The following HIVEP3 variants were observed in gnomAD, a reference collection of about 807,000 sequenced individuals.
HIVEP3 encodes HIVEP zinc finger 3.
A neutral mutation model predicts 152.8 loss-of-function variants in HIVEP3; 49 were observed. That is an observed-to-expected ratio of 0.32 (90% CI 0.26 to 0.41). The LOEUF is 0.41. HIVEP3 is among the 10% of genes least tolerant of loss of function. The probability of loss-of-function intolerance (pLI) is 1.00; values close to 1 mark genes in which losing one functional copy is unlikely to be tolerated. For missense variants in HIVEP3, 2,790 were observed against 3,103.3 expected (o/e 0.90, Z 2.40); for synonymous variants, 1,269 against 1,289.0 (o/e 0.98, Z 0.33).
intron 3 of HIVEP3, among the ~76,000 whole-genome samples, chr1:41,598,388 A>C (rs1644697683): frequency 6.6e-6 from 1 of 152,242 alleles, no homozygotes; most frequent in Non-Finnish European, 1.5e-5. Flanking sequence ...ATGGAGAGCA[A>C]TACATAGAAT....
Position 41,582,633 on chromosome 1 carries a change from C to G in HIVEP3, c.2165G>C (p.Gly722Ala). Residue 722 changes from glycine to alanine, a missense_variant, in exon 4 of 9, where the codon GGG becomes GCG. Transcript: ENST00000372583. This position sits in a 1 kb window ranked among gnomAD's most constrained non-coding sequence, Gnocchi z 4.7. ...LRKRRKEKSL[G>A]DEEEPPAFES... ...AAAGGCAGGTGGCTCTTCCTCGTCC[C>G]CAAGGCTCTTCTCTTTCCTCCTCTT... The G allele has an allele frequency of 6.2e-7, 1 of 1,613,998 alleles. No individual in the cohort carries two copies. The highest frequency in any genetic ancestry group is 8.5e-7 in the Non-Finnish European group (1 of 1,179,982).
At chr1:41,759,954 T>C (rs950703460) in intron 1 of HIVEP3, among the ~76,000 whole-genome samples, 13 of 152,178 alleles carry the variant, frequency 8.5e-5, no homozygotes, top group African/African-American at 2.9e-4. Context: ...GCCCTATTGT[T>C]CAGTGATGGT....
At chr1:41,529,164 CA>C (rs1643145003) in intron 5 of HIVEP3, among the ~76,000 whole-genome samples, 1 of 104,258 alleles carries the variant, frequency 9.6e-6, no homozygotes, top group Admixed American at 9.9e-5. Context: ...CACCCTCACA[CA>C]TGCTCACACC....
At chr1:41,952,014 T>G (rs1408724979) in intron 1 of HIVEP3, among the ~76,000 whole-genome samples, 1 of 152,036 alleles carries the variant, frequency 6.6e-6, no homozygotes, top group Non-Finnish European at 1.5e-5. Context: ...ACAATGGAGG[T>G]GGCAGAAACT....
chr1:41,879,378 G>A (rs1050617229), intron 1 of HIVEP3, among the ~76,000 whole-genome samples: 19 of 152,190 alleles, frequency 1.2e-4, no homozygotes, highest in Non-Finnish European at 2.4e-4. Context: ...ATAAGGGTTG[G>A]TTTCCCCTCA....
Position 41,511,857 on chromosome 1 carries a change from C to T in HIVEP3, c.6406-591G>A, listed in dbSNP as rs1642430689. 6.6e-6 allele frequency among the ~76,000 whole-genome samples: 1 copy of T among 152,098 alleles called. No individual in the cohort carries two copies. Among genetic ancestry groups the T allele is most frequent in the African/African-American group, 2.4e-5 (1 of 41,406 alleles). ...GGTGCTATCGGTGGAGGGGTCATGG[C>T]AGCTGAGGGGACAGGGATGGTGACT... On this transcript the variant is annotated intron_variant, in intron 8 of 8. Transcript: ENST00000372583. This position sits in a 1 kb window ranked among gnomAD's most constrained non-coding sequence, Gnocchi z 4.9.
intron 4 of HIVEP3, among the ~76,000 whole-genome samples, chr1:41,578,276 G>C (rs1162444785): frequency 4.6e-5 from 7 of 152,214 alleles, no homozygotes; most frequent in Non-Finnish European, 1.0e-4. Context: ...TATCCAAAAA[G>C]TTAGCAGTAT....
At chr1:41,961,740 A>T (rs969210078) in intron 1 of HIVEP3, among the ~76,000 whole-genome samples, 3 of 152,272 alleles carry the variant, frequency 2.0e-5, no homozygotes, top group African/African-American at 7.2e-5. Context: ...AGCGAGAGAA[A>T]ACATTCCCTG....
At chr1:41,939,191 T>C (rs1645034342) in intron 1 of HIVEP3, among the ~76,000 whole-genome samples, 1 of 152,234 alleles carries the variant, frequency 6.6e-6, no homozygotes, top group Non-Finnish European at 1.5e-5. Context: ...TCATTTATTT[T>C]ATAATGGAAA....
chr1:41,993,353 A>C (rs1645374888), intron 1 of HIVEP3, among the ~76,000 whole-genome samples: 1 of 151,142 alleles, frequency 6.6e-6, no homozygotes, highest in Non-Finnish European at 1.5e-5. Context: ...ATGAACAGAC[A>C]CTTCTCAAAA....
intron 1 of HIVEP3, among the ~76,000 whole-genome samples, chr1:41,820,555 G>T (rs141537177): frequency 6.6e-6 from 1 of 152,284 alleles, no homozygotes; most frequent in South Asian, 2.1e-4. Flanking sequence ...GTTCTCCAAG[G>T]ATAATGTAGT....
chr1:41,929,840 TTC>T (rs1174249282), intron 1 of HIVEP3, among the ~76,000 whole-genome samples: 1 of 150,684 alleles, frequency 6.6e-6, no homozygotes, highest in Non-Finnish European at 1.5e-5. Flanking sequence ...TATTAGTAAC[TTC>T]TTTCTCAGAC....
At chr1:42,014,722 T>C (rs533809758) in intron 1 of HIVEP3, among the ~76,000 whole-genome samples, 1 of 152,322 alleles carries the variant, frequency 6.6e-6, no homozygotes, top group Admixed American at 6.5e-5. Flanking sequence ...AATGCTATGA[T>C]CAATAACAAA....
intron 5 of HIVEP3, among the ~76,000 whole-genome samples, chr1:41,531,706 A>G: frequency 9.6e-6 from 1 of 104,576 alleles, no homozygotes. Context: ...GGGGAGATGG[A>G]GGACAGGAGA....
chr1:41,724,298 T>A (rs566637993), intron 1 of HIVEP3, among the ~76,000 whole-genome samples: 42 of 152,312 alleles, frequency 2.8e-4, no homozygotes, highest in African/African-American at 9.4e-4. Flanking sequence ...CAGAATACTG[T>A]CCCTGGGATC....
chr1:41,661,571 C>T (rs1645712648), intron 2 of HIVEP3, among the ~76,000 whole-genome samples: 1 of 152,206 alleles, frequency 6.6e-6, no homozygotes, highest in Admixed American at 6.5e-5. Flanking sequence ...GGAGGAGGGG[C>T]TCCTCGGAGG....
At chr1:41,977,591 TTCAGAAAATG>T (rs1429683243) in intron 1 of HIVEP3, among the ~76,000 whole-genome samples, 2 of 152,162 alleles carry the variant, frequency 1.3e-5, no homozygotes, top group Non-Finnish European at 2.9e-5. Context: ...GACTAGGAAG[TTCAGAAAATG>T]TCACTCATTC....
intron 1 of HIVEP3, among the ~76,000 whole-genome samples, chr1:41,853,561 CAT>C (rs1449547641): frequency 3.9e-5 from 6 of 152,130 alleles, no homozygotes; most frequent in African/African-American, 1.4e-4. Context: ...TCTCCTTTGA[CAT>C]GTGGGGATTA....
chr1:42,022,076 G>C (rs1026567721), intron 1 of HIVEP3, among the ~76,000 whole-genome samples: 2 of 152,198 alleles, frequency 1.3e-5, no homozygotes, highest in African/African-American at 4.8e-5. Flanking sequence ...AGCGAATGCT[G>C]CTGGGTAGCA....
Sources: gnomAD v4.1 joint callset for allele counts (sites outside exome capture counted in the v4.1 genomes callset) on GRCh38, gnomAD v4.1.1 for gene constraint, Gnocchi (gnomAD v3.1) non-coding constraint, MANE v1.5 for transcripts, NCBI Gene and HGNC (gene_info 2026-07-23, HGNC 2026-07-21) for gene names.